ZNF519: variants seen among roughly 807,000 people sequenced by gnomAD.
ZNF519 encodes the protein zinc finger protein 519, also known as similar to Zinc finger protein 85 (Zinc finger protein HPF4) (HTF1).
Under a neutral mutation model 7.4 loss-of-function variants are expected in ZNF519, and 7 were observed. That is an observed-to-expected ratio of 0.94 (90% CI 0.54 to 1.77). ZNF519 has a LOEUF of 1.77. Ranked by LOEUF, ZNF519 falls within the 40% of genes most tolerant of loss-of-function variation. The pLI is 0.00. For synonymous variants in ZNF519, 179 were observed against 203.3 expected, an observed-to-expected ratio of 0.88 and a Z score of 1.02; for missense variants, 586 against 623.1, an observed-to-expected ratio of 0.94 and a Z score of 0.63.
chr18:14,114,428 C>T (rs190770456), intron 2 of ZNF519, among the ~76,000 whole-genome samples: 5 of 152,200 alleles, frequency 3.3e-5, no homozygotes, highest in Middle Eastern at 3.4e-3. Flanking sequence ...AAACCTTTGT[C>T]GAAAATAGGT....
downstream of ZNF519, chr18:14,071,464 C>T (rs146901569): frequency 3.3e-5 from 5 of 152,146 alleles, no homozygotes; most frequent in South Asian, 2.1e-4. Context: ...AATATACCTC[C>T]GTTAAACTGC....
In ZNF519 at chr18:14,124,480, G is replaced by C. The variant is rs1298560271; in HGVS notation, c.4-4C>G. On this transcript the variant is annotated splice_region_variant and splice_polypyrimidine_tract_variant and intron_variant, in intron 1 of 2. Coordinates refer to ENST00000590202, the MANE Select transcript of ZNF519 (RefSeq NM_145287.4). ...CATCCCTGAATGTTAAGAGTTCCTG[G>C]AAACACATATATCAAGTGACAGAGC... The C allele has an allele frequency of 6.2e-7, 1 of 1,608,136 alleles. No individual in the cohort carries two copies. Among genetic ancestry groups the C allele is most frequent in the Admixed American group, 1.7e-5 (1 of 57,914 alleles).
chr18:14,077,477 TC>T (rs1414217253), exon 5 of ZNF519: 1 of 152,262 alleles, frequency 6.6e-6, no homozygotes, highest in African/African-American at 2.4e-5. Context: ...AGATATGGGT[TC>T]GAGATCTTGT....
chr18:14,110,907 G>A (rs74712770), intron 2 of ZNF519, among the ~76,000 whole-genome samples: 9,092 of 152,048 alleles, frequency 0.06, 504 homozygotes, highest in African/African-American at 0.13. Context: ...GCTGGGAGGC[G>A]GGTGAGGGAT....
rs139675432 is a variant in ZNF519 at position 14,105,231 on chromosome 18, A to T, written c.1309T>A (p.Cys437Ser). ...TGEKHFKCKECGKAFNRGSHL... is the reference protein window; with the variant it reads ...TGEKHFKCKESGKAFNRGSHL... ...GAGCCCCTGTTAAAGGCTTTGCCACATTCTTTACATTTGAAGTGTTTCTCT... is the reference window on the plus strand; with the variant it reads ...GAGCCCCTGTTAAAGGCTTTGCCACTTTCTTTACATTTGAAGTGTTTCTCT... The change falls in exon 3 of 3, where the codon TGT (cysteine) becomes AGT (serine). Residue 437 changes from cysteine (C) to serine (S), a missense_variant. By Grantham distance (112) the Cys-to-Ser change is moderately radical. Coordinates refer to ENST00000590202, the MANE Select transcript of ZNF519 (RefSeq NM_145287.4). The T allele has an allele frequency of 6.4e-7, 1 of 1,571,452 alleles. No individual in the cohort carries two copies. The highest frequency in any genetic ancestry group is 8.7e-7 in the Non-Finnish European group (1 of 1,145,350).
chr18:14,074,527 A>G (rs1278595515), downstream of ZNF519: 1 of 154,084 alleles, frequency 6.5e-6, no homozygotes, highest in African/African-American at 2.4e-5. Flanking sequence ...GCTGCTTAGA[A>G]ATTTCTTCTG....
chr18:14,124,514 T>G (rs1350621146), intron 1 of ZNF519, 38 bp from the exon 2 acceptor site: 1 of 1,595,238 alleles, frequency 6.3e-7, no homozygotes, highest in Non-Finnish European at 8.5e-7. Flanking sequence ...GCTCTTAATT[T>G]GACTAGAGAT....
chr18:14,120,266 T>C (rs548339497), intron 2 of ZNF519, among the ~76,000 whole-genome samples: 1 of 152,262 alleles, frequency 6.6e-6, no homozygotes, highest in African/African-American at 2.4e-5. Context: ...CAACTAATCT[T>C]TGACAAGAGC....
intron 2 of ZNF519, among the ~76,000 whole-genome samples, chr18:14,086,240 G>A (rs894996308): frequency 6.6e-6 from 1 of 152,230 alleles, no homozygotes; most frequent in Non-Finnish European, 1.5e-5. Flanking sequence ...TGTGGACAGA[G>A]CCACTGGACT....
At chr18:14,073,276 A>G (rs868670232), downstream of ZNF519, 2 of 124,178 alleles carry the variant, frequency 1.6e-5, no homozygotes, top group Non-Finnish European at 3.6e-5. Flanking sequence ...TTATTTATTT[A>G]TTTATTTATT....
chr18:14,094,638 T>C (rs1179630837), intron 2 of ZNF519, among the ~76,000 whole-genome samples: 1 of 152,220 alleles, frequency 6.6e-6, no homozygotes, highest in African/African-American at 2.4e-5. Context: ...TATTTGAGCA[T>C]GGTCGATAAT....
At chr18:14,124,223 A>C in intron 2 of ZNF519, 127 bp downstream of exon 2, 1 of 940,788 alleles carries the variant, frequency 1.1e-6, no homozygotes. Flanking sequence ...GCAAACTCCC[A>C]TTTTTTCTTG....
At position 14,105,069 on chromosome 18, in the gene ZNF519, T is replaced by C. The variant is rs756783673; in HGVS notation, c.1471A>G (p.Lys491Glu). 32 of 1,611,966 alleles carry C rather than the reference T, an allele frequency of 2.0e-5. No individual in the cohort carries two copies. Among genetic ancestry groups the C allele is most frequent in the Non-Finnish European group, 2.5e-5 (29 of 1,179,038 alleles). The change falls in exon 3 of 3, where the codon AAA (lysine) becomes GAA (glutamate). Residue 491 changes from lysine to glutamate, a missense_variant. By Grantham distance (56) the Lys-to-Glu change is moderately conservative. Coordinates refer to ENST00000590202, the MANE Select transcript of ZNF519 (RefSeq NM_145287.4). ...CTGGTAAAAGCTTTGCCACATTCTT[T>C]ACATTTGAAGAATTTCTCTCCAGTA... ...VHTGEKFFKC[K>E]ECGKAFTRSS...
At chr18:14,124,838 G>A (rs2046289601) in intron 1 of ZNF519, among the ~76,000 whole-genome samples, 2 of 152,100 alleles carry the variant, frequency 1.3e-5, no homozygotes, top group Admixed American at 1.3e-4. Flanking sequence ...TTAAAAAACA[G>A]GGATGTTTTC....
At chr18:14,111,466 C>T (rs547311380) in intron 2 of ZNF519, among the ~76,000 whole-genome samples, 11 of 142,942 alleles carry the variant, frequency 7.7e-5, no homozygotes, top group Non-Finnish European at 1.2e-4. Context: ...AAGATCAAGC[C>T]ACTGCACCCC....
chr18:14,074,630 CGA>C (rs1266085368), downstream of ZNF519: 4 of 152,690 alleles, frequency 2.6e-5, no homozygotes, highest in Non-Finnish European at 5.9e-5. Flanking sequence ...TAAAACATAA[CGA>C]GAGTCACCTT....
downstream of ZNF519, chr18:14,072,154 G>T (rs1304648884): frequency 6.6e-6 from 1 of 152,080 alleles, no homozygotes; most frequent in Non-Finnish European, 1.5e-5. Context: ...CCTTTTAAAG[G>T]TATTTCTGGA....
intron 3 of ZNF519, chr18:14,078,332 T>C (rs1333519565): frequency 6.6e-6 from 1 of 152,206 alleles, no homozygotes; most frequent in Non-Finnish European, 1.5e-5. Context: ...AGAAGCTGTA[T>C]AATTCAATGC....
chr18:14,085,441 AAG>A (rs2046086692), intron 2 of ZNF519, among the ~76,000 whole-genome samples: 1 of 152,110 alleles, frequency 6.6e-6, no homozygotes, highest in South Asian at 2.1e-4. Flanking sequence ...AAAAATCTTT[AAG>A]AGAGGAAGGG....
Sources: gnomAD v4.1 joint callset for allele counts (sites outside exome capture counted in the v4.1 genomes callset) on GRCh38, gnomAD v4.1.1 for gene constraint, MANE v1.5 for transcripts, NCBI Gene and HGNC (gene_info 2026-07-23, HGNC 2026-07-21) for gene names.